Variants in GALK2 observed in about 807,000 individuals in gnomAD.
GALK2 encodes the protein galactokinase 2, also known as N-acetylgalactosamine kinase.
In GALK2, 36 loss-of-function variants were observed where a neutral mutation model predicts 52.4. That is an observed-to-expected ratio of 0.69 (90% CI 0.53 to 0.91). The LOEUF (loss-of-function observed/expected upper bound fraction) is 0.91. Ranked by LOEUF, GALK2 falls within the 40% of genes least tolerant of loss-of-function variation. GALK2 has a pLI of 0.00. For synonymous variants in GALK2, 176 were observed against 199.1 expected, an observed-to-expected ratio of 0.88 and a Z score of 0.98; for missense variants, 579 against 559.1, an observed-to-expected ratio of 1.04 and a Z score of -0.36.
chr15:49,359,396 AAAAC>A (rs1267080110), intron 3 of GALK2, among the ~76,000 whole-genome samples: 2 of 119,718 alleles, frequency 1.7e-5, no homozygotes, highest in Admixed American at 7.9e-5. Flanking sequence ...TTACAAGAAA[AAAAC>A]AAACAACCCC....
intron 1 of GALK2, among the ~76,000 whole-genome samples, chr15:49,192,485 G>GTGTATATATATATATATA (rs1360198549): frequency 4.9e-5 from 5 of 102,974 alleles, no homozygotes; most frequent in South Asian, 3.2e-4. Flanking sequence ...ATATATATAT[G>GTGTATATATATATATATA]TATATATATA....
At chr15:49,187,400 G>A (rs529593456) in intron 1 of GALK2, among the ~76,000 whole-genome samples, 85 of 152,306 alleles carry the variant, frequency 5.6e-4, no homozygotes, top group African/African-American at 2.0e-3. Context: ...AGTTCACACA[G>A]CACTGGGTCT....
rs532242516 is a variant in GALK2 at position 49,281,899 on chromosome 15, T to G, written c.505-88T>G. On this transcript the variant is annotated intron_variant, in intron 5 of 9. Transcript: ENST00000560031. ...AGTTGATCAGAGTTGGTGCTGGAAT[T>G]CAAACCTGTTTGTCATGCCTGTAGT... is the stretch of plus-strand genomic sequence containing the variant. 1.3e-5 allele frequency: 12 copies of G among 928,952 alleles called. No homozygotes were observed. In the East Asian group the frequency reaches 3.0e-4, roughly 24 times the overall value. 57.5% of individuals were successfully genotyped at this position (928,952 alleles called of 1,614,324 possible). A position where few individuals can be genotyped will look rare whatever the true frequency, so the allele number is the denominator to read the frequency against.
chr15:49,324,432 A>C (rs2037164631), intron 9 of GALK2, among the ~76,000 whole-genome samples: 1 of 121,890 alleles, frequency 8.2e-6, no homozygotes, highest in African/African-American at 3.1e-5. Flanking sequence ...GAGCCATTTC[A>C]CCTCCCCTTA....
At chr15:49,259,539 A>T in intron 5 of GALK2, among the ~76,000 whole-genome samples, 1 of 149,974 alleles carries the variant, frequency 6.7e-6, no homozygotes, top group Non-Finnish European at 1.5e-5. Context: ...TTATGGCTGC[A>T]TAGTATTCCA....
intron 5 of GALK2, among the ~76,000 whole-genome samples, chr15:49,255,814 TAATG>T (rs986951627): frequency 6.6e-6 from 1 of 152,142 alleles, no homozygotes; most frequent in Non-Finnish European, 1.5e-5. Flanking sequence ...TTTTAATTAA[TAATG>T]CATGTTTGTC....
At chr15:49,249,511 T>G (rs1398813065) in intron 5 of GALK2, among the ~76,000 whole-genome samples, 1 of 152,202 alleles carries the variant, frequency 6.6e-6, no homozygotes, top group Non-Finnish European at 1.5e-5. Context: ...GAGATTTTGA[T>G]GAAGTTCAGG....
At chr15:49,184,174 A>G (rs1285217559) in intron 1 of GALK2, among the ~76,000 whole-genome samples, 1 of 151,828 alleles carries the variant, frequency 6.6e-6, no homozygotes, top group Admixed American at 6.6e-5. Flanking sequence ...TATATTTACA[A>G]TTGTTACATT....
Position 49,281,979 on chromosome 15 carries a change from C to A in GALK2, c.505-8C>A, listed in dbSNP as rs768681926. Reference sequence around the variant, plus strand: ...ACTCACAGTACAAATCAGTTTTTACCTTTCCAGGTGGAACTTGCAGAAATC... The same window carrying A: ...ACTCACAGTACAAATCAGTTTTTACATTTCCAGGTGGAACTTGCAGAAATC... On this transcript the variant is annotated splice_polypyrimidine_tract_variant and splice_region_variant and intron_variant, in intron 5 of 9. Coordinates refer to ENST00000560031, the MANE Select transcript of GALK2 (RefSeq NM_002044.4). 6.2e-7 allele frequency: 1 copy of A among 1,607,752 alleles called. No individual in the cohort carries two copies. Among genetic ancestry groups the A allele is most frequent in the Non-Finnish European group, 8.5e-7 (1 of 1,175,132 alleles).
rs554388302 is a variant in GALK2, at chr15:49,357,882, A to G, written c.427-9609A>G. ...AATCCAGCAGCCCATCAAAAAGCTT[A>G]TCCACCATGATCAAGTGGGCTTCAT... On this transcript the variant is annotated intron_variant, in intron 3 of 3. Coordinates refer to the GALK2 transcript ENST00000558399. 4.6e-5 allele frequency among the ~76,000 whole-genome samples: 7 copies of G among 152,132 alleles called. No homozygotes were observed. The East Asian group carries it at 1.2e-3, about 25-fold the overall frequency.
At chr15:49,293,259 T>C (rs2034124560) in intron 8 of GALK2, among the ~76,000 whole-genome samples, 1 of 152,240 alleles carries the variant, frequency 6.6e-6, no homozygotes. Context: ...GAGTTGCTAC[T>C]GTAGATTTAC....
rs2084984198 is a variant in GALK2 at position 49,170,382 on chromosome 15, G to A, written c.53+7G>A. On this transcript the variant is annotated splice_region_variant and intron_variant, in intron 1 of 9. Coordinates refer to ENST00000560031, the MANE Select transcript of GALK2 (RefSeq NM_002044.4). ...AGGTGGCAGAACATCCTAGGTGGGG[G>A]AGAGGAGACGCCGGGCTTTGGGATC... The A allele has an allele frequency of 1.9e-6, 3 of 1,585,788 alleles. No homozygotes were observed. Among genetic ancestry groups the A allele is most frequent in the East Asian group, 4.6e-5 (2 of 43,674 alleles).
At chr15:49,219,168 T>C (rs2089608974) in intron 3 of GALK2, among the ~76,000 whole-genome samples, 2 of 152,152 alleles carry the variant, frequency 1.3e-5, no homozygotes, top group Admixed American at 1.3e-4. Context: ...CCCACCCAAA[T>C]CTCATCTTGA....
chr15:49,168,322 C>A (rs929621649), upstream of GALK2, among the ~76,000 whole-genome samples: 13 of 151,736 alleles, frequency 8.6e-5, no homozygotes, highest in African/African-American at 3.1e-4. Context: ...TTTTTTAACC[C>A]TGTATAAAAT....
At chr15:49,240,688 G>A (rs898536312) in intron 5 of GALK2, among the ~76,000 whole-genome samples, 1 of 152,140 alleles carries the variant, frequency 6.6e-6, no homozygotes, top group Non-Finnish European at 1.5e-5. Context: ...CAGAGTAAAA[G>A]CAATCATGGC....
chr15:49,212,220 G>A (rs1159620999), intron 2 of GALK2, among the ~76,000 whole-genome samples: 4 of 152,106 alleles, frequency 2.6e-5, no homozygotes, highest in Non-Finnish European at 5.9e-5. Context: ...AGCCTCCCGA[G>A]TAGCTGGGAT....
At chr15:49,295,692 A>G (rs1293440392) in intron 8 of GALK2, among the ~76,000 whole-genome samples, 1 of 152,104 alleles carries the variant, frequency 6.6e-6, no homozygotes. Flanking sequence ...GGACCATTCC[A>G]CTTACTAATT....
intron 1 of GALK2, among the ~76,000 whole-genome samples, chr15:49,198,685 A>C (rs772171170): frequency 6.6e-6 from 1 of 151,420 alleles, no homozygotes; most frequent in African/African-American, 2.4e-5. Context: ...AGCTTATTCT[A>C]CTTTCCTCTT....
chr15:49,170,213 G>A (rs1396313490), upstream of GALK2: 2 of 1,518,218 alleles, frequency 1.3e-6, no homozygotes, highest in East Asian at 2.5e-5. Context: ...CAGGGCGGGA[G>A]CTGTTTATCT....
Sources: gnomAD v4.1 joint callset for allele counts (sites outside exome capture counted in the v4.1 genomes callset) on GRCh38, gnomAD v4.1.1 for gene constraint, MANE v1.5 for transcripts, NCBI Gene and HGNC (gene_info 2026-07-23, HGNC 2026-07-21) for gene names.